Variants in PALLD observed in about 807,000 individuals in gnomAD.
PALLD encodes the protein palladin, cytoskeletal associated protein.
PALLD carries 61 observed loss-of-function variants against 123.5 expected under a neutral mutation model. The ratio of observed to expected loss-of-function variants is 0.49; its 90% CI spans 0.40 to 0.61. The LOEUF (loss-of-function observed/expected upper bound fraction) is 0.61, where lower values mean the gene tolerates loss of function less well. PALLD is among the 20% of genes least tolerant of loss of function. The pLI, the probability that PALLD is intolerant of heterozygous loss-of-function variation, is 0.00. For missense variants in PALLD, 1,273 were observed against 1,377.0 expected (o/e 0.92, Z 1.20); for synonymous variants, 465 against 496.4 (o/e 0.94, Z 0.84).
intron 10 of PALLD, among the ~76,000 whole-genome samples, chr4:168,822,428 T>A (rs891845452): frequency 6.6e-6 from 1 of 152,118 alleles, no homozygotes; most frequent in Admixed American, 6.6e-5. Context: ...TGGGAAGCTC[T>A]GGGAGAGGTG....
intron 10 of PALLD, among the ~76,000 whole-genome samples, chr4:168,757,795 G>T (rs978998036): frequency 5.9e-5 from 9 of 152,258 alleles, no homozygotes; most frequent in African/African-American, 2.2e-4. Flanking sequence ...ATTTAGGCTG[G>T]GTGGGGTGGC....
At chr4:168,891,556 A>G (rs991814038) in intron 11 of PALLD, among the ~76,000 whole-genome samples, 2 of 152,192 alleles carry the variant, frequency 1.3e-5, no homozygotes, top group Non-Finnish European at 2.9e-5. Flanking sequence ...CCTTCTATTC[A>G]GTCTTCACTG....
intron 10 of PALLD, among the ~76,000 whole-genome samples, chr4:168,802,179 C>T (rs17652019): frequency 0.16 from 24,651 of 152,114 alleles, 2,188 homozygotes; most frequent in East Asian, 0.22. Context: ...AATATCATGG[C>T]CTAAATTCTA....
intron 2 of PALLD, among the ~76,000 whole-genome samples, chr4:168,547,485 C>T (rs927080526): frequency 2.0e-5 from 3 of 150,070 alleles, no homozygotes; most frequent in Admixed American, 1.3e-4. Context: ...CTTTGGGAGG[C>T]CAAGGCAGGC....
chr4:168,564,560 A>G (rs1768180840), intron 2 of PALLD, among the ~76,000 whole-genome samples: 2 of 152,196 alleles, frequency 1.3e-5, no homozygotes, highest in Admixed American at 1.3e-4. Context: ...TTTTCTATAT[A>G]TGGTCGAGGA....
In PALLD at chr4:168,928,278, G is replaced by A. The variant is rs1762808165; in HGVS notation, c.*2098G>A. The A allele has an allele frequency of 5.5e-6, 1 of 182,286 alleles. No homozygotes were observed. Among genetic ancestry groups the A allele is most frequent in the Non-Finnish European group, 1.2e-5 (1 of 85,508 alleles). The allele number at this position is 182,286 out of a possible 1,614,324, so 11.3% of individuals were successfully genotyped here. On this transcript the variant is annotated 3_prime_UTR_variant, in exon 22 of 22. Coordinates refer to ENST00000505667, the MANE Select transcript of PALLD (RefSeq NM_001166108.2). ...TGTGACCTTTTTTTGCTGATTTGCTGGGTTTGGGATTAACTAGCATTATTT... is the reference window on the plus strand; with the variant it reads ...TGTGACCTTTTTTTGCTGATTTGCTAGGTTTGGGATTAACTAGCATTATTT...
intron 10 of PALLD, among the ~76,000 whole-genome samples, chr4:168,734,901 G>A (rs1787576558): frequency 6.6e-6 from 1 of 151,936 alleles, no homozygotes; most frequent in Admixed American, 6.6e-5. Flanking sequence ...TCTAGCATGG[G>A]CCACAGAGCA....
At chr4:168,585,542 A>G (rs1770725891) in intron 2 of PALLD, among the ~76,000 whole-genome samples, 1 of 152,062 alleles carries the variant, frequency 6.6e-6, no homozygotes, top group Admixed American at 6.5e-5. Flanking sequence ...CAATGCTGTC[A>G]TGTCTATGCA....
intron 3 of PALLD, among the ~76,000 whole-genome samples, chr4:168,674,718 G>T (rs1780661550): frequency 6.6e-6 from 1 of 152,228 alleles, no homozygotes; most frequent in African/African-American, 2.4e-5. Flanking sequence ...AATGGTACTG[G>T]TTGAGAAAAG....
chr4:168,535,828 AG>A (rs1644964817), intron 2 of PALLD, among the ~76,000 whole-genome samples: 1 of 152,200 alleles, frequency 6.6e-6, no homozygotes, highest in Admixed American at 6.5e-5. Context: ...GCTGTCTATA[AG>A]GGGTAAGTGA....
intron 10 of PALLD, among the ~76,000 whole-genome samples, chr4:168,793,145 ATGTG>A (rs756537880): frequency 0.17 from 15,927 of 94,940 alleles, 1,470 homozygotes; most frequent in Non-Finnish European, 0.23. Flanking sequence ...ATACATATAT[ATGTG>A]TGCATATATA....
At chr4:168,515,212 A>G (rs1174835517) in intron 2 of PALLD, among the ~76,000 whole-genome samples, 1 of 152,254 alleles carries the variant, frequency 6.6e-6, no homozygotes, top group Non-Finnish European at 1.5e-5. Flanking sequence ...TAAGTGCACC[A>G]GACGCCTAAG....
chr4:168,527,736 C>A (rs891336431), intron 2 of PALLD, among the ~76,000 whole-genome samples: 1 of 152,184 alleles, frequency 6.6e-6, no homozygotes, highest in Non-Finnish European at 1.5e-5. Flanking sequence ...CTCTTCTCCA[C>A]CCCACTGTCT....
chr4:168,757,125 G>T (rs1201042235), intron 10 of PALLD, among the ~76,000 whole-genome samples: 3 of 152,188 alleles, frequency 2.0e-5, no homozygotes, highest in African/African-American at 7.2e-5. Flanking sequence ...GAAGTGTGTT[G>T]AAAGAATGAA....
intron 2 of PALLD, among the ~76,000 whole-genome samples, chr4:168,620,068 C>T (rs899354602): frequency 1.3e-5 from 2 of 152,162 alleles, no homozygotes; most frequent in Non-Finnish European, 2.9e-5. Flanking sequence ...CAGCTGACTC[C>T]AAGCCACAAA....
chr4:168,824,761 A>G (rs1227418271), intron 10 of PALLD, among the ~76,000 whole-genome samples: 1 of 151,706 alleles, frequency 6.6e-6, no homozygotes, highest in Non-Finnish European at 1.5e-5. Flanking sequence ...GGCAATATCA[A>G]TATTATTGTC....
chr4:168,902,574 G>A (rs968060808), intron 14 of PALLD, among the ~76,000 whole-genome samples: 1 of 151,988 alleles, frequency 6.6e-6, no homozygotes, highest in Non-Finnish European at 1.5e-5. Context: ...CCTGGGAGGC[G>A]GAGGTTACAG....
intron 2 of PALLD, among the ~76,000 whole-genome samples, chr4:168,656,270 C>T (rs1778560901): frequency 8.3e-6 from 1 of 121,072 alleles, no homozygotes; most frequent in South Asian, 3.0e-4. Flanking sequence ...CGCTTTGGAG[C>T]CTTGAAAGCA....
intron 2 of PALLD, among the ~76,000 whole-genome samples, chr4:168,639,583 A>G (rs539001584): frequency 1.5e-3 from 226 of 147,818 alleles, no homozygotes; most frequent in African/African-American, 4.9e-3. Flanking sequence ...TTGCTCTGTC[A>G]CCCAGGCTGG....
Sources: allele counts gnomAD v4.1 joint callset (sites outside exome capture counted in the v4.1 genomes callset), GRCh38; gene constraint gnomAD v4.1.1; transcripts MANE v1.5; gene names NCBI Gene and HGNC (gene_info 2026-07-23, HGNC 2026-07-21).